The following ZNRF1 variants were observed in gnomAD, a reference collection of about 807,000 sequenced individuals.
ZNRF1 encodes zinc and ring finger 1.
In ZNRF1, 3 loss-of-function variants were observed where a neutral mutation model predicts 18.4. The ratio of observed to expected loss-of-function variants is 0.16; its 90% confidence interval spans 0.07 to 0.42. The LOEUF (loss-of-function observed/expected upper bound fraction) is 0.42, where lower values mean the gene tolerates loss of function less well. ZNRF1 is among the 10% of genes least tolerant of loss of function. The pLI is 0.99. For synonymous variants in ZNRF1, 157 were observed against 144.2 expected (o/e 1.09, Z -0.64); for missense variants, 310 against 329.8 (o/e 0.94, Z 0.47).
At chr16:75,098,667 G>C (rs912929320) in intron 2 of ZNRF1, among the ~76,000 whole-genome samples, 2 of 152,228 alleles carry the variant, frequency 1.3e-5, no homozygotes, top group South Asian at 4.1e-4. Context: ...ATGAGGTCAG[G>C]GGGTGGAACC....
At chr16:75,015,606 C>G (rs951674443) in intron 1 of ZNRF1, among the ~76,000 whole-genome samples, 2 of 152,124 alleles carry the variant, frequency 1.3e-5, no homozygotes, top group Non-Finnish European at 2.9e-5. Flanking sequence ...AGTCTCAAGA[C>G]AGGATCTCAC....
chr16:75,068,807 T>C (rs916054784), intron 1 of ZNRF1, among the ~76,000 whole-genome samples: 7 of 151,848 alleles, frequency 4.6e-5, no homozygotes, highest in Non-Finnish European at 1.0e-4. Flanking sequence ...AATTTGGCCC[T>C]GGTAGCCAAG....
At chr16:75,007,433 G>C (rs535637672) in intron 1 of ZNRF1, among the ~76,000 whole-genome samples, 7 of 152,170 alleles carry the variant, frequency 4.6e-5, no homozygotes, top group African/African-American at 1.7e-4. Context: ...CCCTAGAGTC[G>C]TTAGTCTTGA....
intron 1 of ZNRF1, among the ~76,000 whole-genome samples, chr16:75,088,362 C>T (rs986588794): frequency 6.6e-6 from 1 of 152,172 alleles, no homozygotes; most frequent in Non-Finnish European, 1.5e-5. Context: ...AGGTCATCTG[C>T]AGATTCAGCA....
intron 1 of ZNRF1, among the ~76,000 whole-genome samples, chr16:75,045,007 C>T (rs2035497147): frequency 6.6e-6 from 1 of 152,116 alleles, no homozygotes; most frequent in Non-Finnish European, 1.5e-5. Flanking sequence ...ATTGTGTTAG[C>T]TGCTGCCCCT....
intron 2 of ZNRF1, among the ~76,000 whole-genome samples, chr16:75,102,759 G>C (rs1367345882): frequency 6.6e-6 from 1 of 152,138 alleles, no homozygotes; most frequent in Non-Finnish European, 1.5e-5. Context: ...GTCTCCATCA[G>C]CTGGCCGGGC....
chr16:75,037,887 A>G (rs989913045), intron 1 of ZNRF1, among the ~76,000 whole-genome samples: 14 of 152,188 alleles, frequency 9.2e-5, no homozygotes, highest in African/African-American at 4.8e-5. Context: ...TTGGGAAGCA[A>G]CAAAACCTTT....
rs188443518 is a variant in ZNRF1, at chr16:75,012,070, G to C, written c.424+11975G>C. 1.2e-4 allele frequency among the ~76,000 whole-genome samples: 18 copies of C among 152,312 alleles called. No homozygotes were observed. The South Asian group carries it at 3.5e-3, about 30-fold the overall frequency. On this transcript the variant is annotated intron_variant, in intron 1 of 4. Transcript: ENST00000335325. Reference sequence around the variant, plus strand: ...CCAGGGGAATTTTTGGTAGCTGTTGGGGGAGGGATTTGAGTAGGTTGTGGA... The same window carrying C: ...CCAGGGGAATTTTTGGTAGCTGTTGCGGGAGGGATTTGAGTAGGTTGTGGA...
rs758466187 is a variant in ZNRF1 at position 75,000,209 on chromosome 16, C to T, written c.424+114C>T. 7.8e-6 allele frequency: 11 copies of T among 1,407,486 alleles called. No individual in the cohort carries two copies. The Middle Eastern group carries it at 1.6e-3, about 200-fold the overall frequency. 87.2% of individuals were successfully genotyped at this position (1,407,486 alleles called of 1,614,324 possible). A position where few individuals can be genotyped will look rare whatever the true frequency, so the allele number is the denominator to read the frequency against. ...TGCACGACCGGGATCTGTCTGCATT[C>T]CCTTTGGTTCCCGATGCCAAGGGAT... On this transcript the variant is annotated intron_variant, in intron 1 of 4. Coordinates refer to ENST00000335325, the MANE Select transcript of ZNRF1 (RefSeq NM_032268.5).
At chr16:75,050,792 A>G (rs1597880958) in intron 1 of ZNRF1, among the ~76,000 whole-genome samples, 1 of 126,234 alleles carries the variant, frequency 7.9e-6, no homozygotes, top group Non-Finnish European at 1.6e-5. Context: ...AATGACATGA[A>G]CCCGGGAGGT....
intron 1 of ZNRF1, among the ~76,000 whole-genome samples, chr16:75,004,193 A>G (rs566668978): frequency 6.6e-6 from 1 of 152,220 alleles, no homozygotes; most frequent in South Asian, 2.1e-4. Flanking sequence ...CCCAAATGGA[A>G]TCTGGTTCTG....
At chr16:75,045,640 A>G (rs1433671874) in intron 1 of ZNRF1, among the ~76,000 whole-genome samples, 1 of 151,612 alleles carries the variant, frequency 6.6e-6, no homozygotes, top group Non-Finnish European at 1.5e-5. Flanking sequence ...TGGCCATAGC[A>G]TGGTCTTGAC....
chr16:75,097,308 G>A (rs934707905), intron 2 of ZNRF1, among the ~76,000 whole-genome samples: 1 of 152,042 alleles, frequency 6.6e-6, no homozygotes, highest in Non-Finnish European at 1.5e-5. Flanking sequence ...GAGATGACCC[G>A]CTTTTGACTG....
At chr16:75,028,403 C>T (rs1453487733) in intron 1 of ZNRF1, among the ~76,000 whole-genome samples, 6 of 152,172 alleles carry the variant, frequency 3.9e-5, no homozygotes, top group South Asian at 2.1e-4. Flanking sequence ...AAGTGATTCT[C>T]CTGCCTCAGC....
intron 1 of ZNRF1, among the ~76,000 whole-genome samples, chr16:75,081,045 C>T (rs948767109): frequency 2.6e-5 from 4 of 151,798 alleles, no homozygotes; most frequent in African/African-American, 4.8e-5. Context: ...TGGTGGTGCG[C>T]GCCTGTAGTT....
At position 75,043,164 on chromosome 16, in the gene ZNRF1, A is replaced by G. The variant is rs140145869; in HGVS notation, c.424+43069A>G. Among the ~76,000 whole-genome samples the G allele has an allele frequency of 3.9e-3, 592 of 152,312 alleles. 2 individuals carry two copies. Among genetic ancestry groups the G allele is most frequent in the South Asian group, 0.012 (59 of 4,816 alleles). ...TGAGCCTCCTTTGTTTTAAAGCCGT[A>G]TTTATACCAATGAGTTTCTAAGCAG... On this transcript the variant is annotated intron_variant, in intron 1 of 4. Coordinates refer to ENST00000335325, the MANE Select transcript of ZNRF1 (RefSeq NM_032268.5).
At position 75,049,998 on chromosome 16, in the gene ZNRF1, C is replaced by T. The variant is rs949961942; in HGVS notation, c.425-43574C>T. ...TCATACCCATCTCTCTTCCCTCCTC[C>T]CCATCCCTAATACCAGTCAGCCACT... On this transcript the variant is annotated intron_variant, in intron 1 of 4. Coordinates refer to ENST00000335325, the MANE Select transcript of ZNRF1 (RefSeq NM_032268.5). Among the ~76,000 whole-genome samples, 3 of 152,256 alleles carry T rather than the reference C, an allele frequency of 2.0e-5. 1 individual carries two copies. Among genetic ancestry groups the T allele is most frequent in the South Asian group, 4.2e-4 (2 of 4,816 alleles).
chr16:75,079,356 T>C (rs1597899659), intron 1 of ZNRF1, among the ~76,000 whole-genome samples: 1 of 152,304 alleles, frequency 6.6e-6, no homozygotes, highest in South Asian at 2.1e-4. Flanking sequence ...GGCACACGCC[T>C]ATAGTCCCAG....
chr16:75,055,751 A>G (rs1412841040), intron 1 of ZNRF1, among the ~76,000 whole-genome samples: 1 of 152,152 alleles, frequency 6.6e-6, no homozygotes, highest in East Asian at 1.9e-4. Flanking sequence ...GAGATTAAAG[A>G]TCTTTGATTT....
Sources: allele counts gnomAD v4.1 joint callset (sites outside exome capture counted in the v4.1 genomes callset), GRCh38; gene constraint gnomAD v4.1.1; transcripts MANE v1.5; gene names NCBI Gene and HGNC (gene_info 2026-07-23, HGNC 2026-07-21).